Variants in PRKCH observed in about 807,000 individuals in gnomAD.
The protein encoded by PRKCH is protein kinase C eta type.
PRKCH carries 28 observed loss-of-function variants against 82.5 expected under a neutral mutation model. That is an observed-to-expected ratio of 0.34 (90% CI 0.25 to 0.47). PRKCH has a LOEUF of 0.47. Ranked by LOEUF, PRKCH falls within the 20% of genes least tolerant of loss-of-function variation. The pLI, the probability that PRKCH is intolerant of heterozygous loss-of-function variation, is 1.00. For synonymous variants in PRKCH, 322 were observed against 327.4 expected (o/e 0.98, Z 0.18); for missense variants, 705 against 881.8 (o/e 0.80, Z 2.54).
chr14:61,506,656 A>C (rs1049047129), intron 10 of PRKCH, among the ~76,000 whole-genome samples: 2 of 152,126 alleles, frequency 1.3e-5, no homozygotes, highest in Non-Finnish European at 2.9e-5. Context: ...GCTACCAAGA[A>C]AAGAAAAAAA....
intron 1 of PRKCH, among the ~76,000 whole-genome samples, chr14:61,346,087 G>T (rs1376199860): frequency 2.0e-5 from 3 of 152,156 alleles, no homozygotes; most frequent in Non-Finnish European, 4.4e-5. Context: ...AGGGCCCTGG[G>T]TAGCAGGGAC....
chr14:61,550,788 T>G lies in PRKCH; in HGVS notation c.*957T>G, dbSNP rs2043315287. On this transcript the variant is annotated 3_prime_UTR_variant, in exon 14 of 14. Transcript: ENST00000332981. ...AGGCCACTCATGTCAGTGACCAGAT[T>G]TGTGGCTTATAAACATTAGCAGTTT... is the stretch of plus-strand genomic sequence containing the variant. 6.6e-6 allele frequency: 1 copy of G among 152,210 alleles called. No homozygotes were observed. Among genetic ancestry groups the G allele is most frequent in the Non-Finnish European group, 1.5e-5 (1 of 68,038 alleles). The allele number at this position is 152,210 out of a possible 1,614,324, so 9.4% of individuals were successfully genotyped here.
intron 1 of PRKCH, among the ~76,000 whole-genome samples, chr14:61,245,264 C>T (rs2044869869): frequency 6.6e-6 from 1 of 152,092 alleles, no homozygotes; most frequent in Non-Finnish European, 1.5e-5. Flanking sequence ...AAAGAAGAGC[C>T]CCAGCAGATA....
rs189210730 is a variant in PRKCH at position 61,234,405 on chromosome 14, A to G, written c.-19+46737A>G. Among the ~76,000 whole-genome samples the G allele has an allele frequency of 3.9e-5, 6 of 152,254 alleles. No individual in the cohort carries two copies. The East Asian group carries it at 1.2e-3, about 29-fold the overall frequency. ...GTGCTGCTCCCTTGGTAAGAATTGC[A>G]TAGTCATCCCGGCATCCCTCCTTAA... On this transcript the variant is annotated intron_variant, in intron 1 of 3. Coordinates refer to the PRKCH transcript ENST00000555185.
intron 10 of PRKCH, among the ~76,000 whole-genome samples, chr14:61,486,081 C>T (rs902573975): frequency 1.3e-5 from 2 of 152,136 alleles, no homozygotes; most frequent in Admixed American, 6.6e-5. Flanking sequence ...AAAATAGGCC[C>T]GACAGTCTCA....
intron 2 of PRKCH, among the ~76,000 whole-genome samples, chr14:61,394,943 T>A (rs1260090813): frequency 6.6e-6 from 1 of 152,192 alleles, no homozygotes; most frequent in Non-Finnish European, 1.5e-5. Context: ...GGAAAACAGT[T>A]AATTCATAGG....
At chr14:61,539,764 C>G (rs7146205) in intron 12 of PRKCH, among the ~76,000 whole-genome samples, 1 of 152,058 alleles carries the variant, frequency 6.6e-6, no homozygotes, top group East Asian at 1.9e-4. Context: ...GAAAAGAGTC[C>G]CTTGATATGG....
intron 1 of PRKCH, among the ~76,000 whole-genome samples, chr14:61,217,352 C>T (rs900430377): frequency 2.6e-5 from 4 of 152,098 alleles, no homozygotes; most frequent in Non-Finnish European, 5.9e-5. Flanking sequence ...GTTGAGGCTG[C>T]AGTGAGCCAT....
chr14:61,387,662 C>A (rs533959472), intron 1 of PRKCH, among the ~76,000 whole-genome samples: 10 of 152,268 alleles, frequency 6.6e-5, no homozygotes, highest in African/African-American at 2.4e-4. Context: ...ATAGAAGGAA[C>A]AAATAACCTC....
chr14:61,538,041 C>T (rs1410711373), intron 12 of PRKCH: 1 of 152,254 alleles, frequency 6.6e-6, no homozygotes, highest in African/African-American at 2.4e-5. Context: ...CTACTCCCCT[C>T]CTGGGAGAGG....
chr14:61,505,651 G>A (rs1175055588), intron 10 of PRKCH, among the ~76,000 whole-genome samples: 2 of 151,574 alleles, frequency 1.3e-5, no homozygotes, highest in Admixed American at 6.6e-5. Context: ...CTGGGATTAG[G>A]AGCATGAGCC....
At position 61,468,293 on chromosome 14, in the gene PRKCH, G is replaced by A. The variant is rs141444519; in HGVS notation, c.1278+10614G>A. ...AATAGAAAATGAGCCAGAACATGGT[G>A]TTTCCTGTCTCTGCATGTTCCTACC... On this transcript the variant is annotated intron_variant, in intron 9 of 13. Transcript: ENST00000332981. Among the ~76,000 whole-genome samples the A allele has an allele frequency of 3.0e-3, 454 of 152,272 alleles. 4 individuals are homozygous for A. The highest frequency in any genetic ancestry group is 9.8e-3 in the African/African-American group (408 of 41,548).
In PRKCH at chr14:61,437,763, A is replaced by G. The variant is rs183242302; in HGVS notation, c.428-5348A>G. On this transcript the variant is annotated intron_variant, in intron 2 of 13. Coordinates refer to ENST00000332981, the MANE Select transcript of PRKCH (RefSeq NM_006255.5). ...TTCTCTAGGCCCCAATTTCCTAGGTATTCATTCTTCTTCTAGACAATAGAC... is the reference window on the plus strand; with the variant it reads ...TTCTCTAGGCCCCAATTTCCTAGGTGTTCATTCTTCTTCTAGACAATAGAC... 3.9e-5 allele frequency among the ~76,000 whole-genome samples: 6 copies of G among 152,260 alleles called. No homozygotes were observed. In the East Asian group the frequency reaches 1.2e-3, roughly 29 times the overall value.
intron 10 of PRKCH, among the ~76,000 whole-genome samples, chr14:61,493,005 A>G (rs1176525113): frequency 1.3e-5 from 2 of 152,220 alleles, no homozygotes; most frequent in Non-Finnish European, 2.9e-5. Flanking sequence ...GTGGAAAATG[A>G]CAGGAACTTT....
intron 1 of PRKCH, among the ~76,000 whole-genome samples, chr14:61,287,449 G>A (rs1424937255): frequency 6.6e-6 from 1 of 151,578 alleles, no homozygotes; most frequent in African/African-American, 2.4e-5. Context: ...GGTAGCTCAC[G>A]CCTGTAATCC....
intron 10 of PRKCH, among the ~76,000 whole-genome samples, chr14:61,527,529 G>C (rs138710806): frequency 2.1e-3 from 313 of 152,192 alleles, no homozygotes; most frequent in South Asian, 8.9e-3. Flanking sequence ...TCACTGTCCT[G>C]GTTCAGGTCT....
chr14:61,276,236 A>C (rs555414544), intron 1 of PRKCH, among the ~76,000 whole-genome samples: 1 of 152,300 alleles, frequency 6.6e-6, no homozygotes, highest in African/African-American at 2.4e-5. Context: ...AAAAAAAATT[A>C]AAGTTAATTT....
chr14:61,253,312 A>G (rs551711463), intron 1 of PRKCH, among the ~76,000 whole-genome samples: 2 of 152,364 alleles, frequency 1.3e-5, no homozygotes, highest in Non-Finnish European at 2.9e-5. Flanking sequence ...TTTTCTGTGC[A>G]CAGGCAGGGA....
intron 2 of PRKCH, among the ~76,000 whole-genome samples, chr14:61,428,819 A>G (rs1883255365): frequency 6.6e-6 from 1 of 152,216 alleles, no homozygotes; most frequent in African/African-American, 2.4e-5. Flanking sequence ...CTGAAATTCA[A>G]TCATTGCCTA....
Sources: allele counts gnomAD v4.1 joint callset (sites outside exome capture counted in the v4.1 genomes callset), GRCh38; gene constraint gnomAD v4.1.1; transcripts MANE v1.5; gene names NCBI Gene and HGNC (gene_info 2026-07-23, HGNC 2026-07-21).